ARHGAP25: variants seen among roughly 807,000 people sequenced by gnomAD.
ARHGAP25 encodes the protein Rho GTPase activating protein 25, also known as rho GTPase-activating protein 25.
ARHGAP25 carries 34 observed loss-of-function variants against 71.0 expected under a neutral mutation model. That is an observed-to-expected ratio of 0.48 (90% CI 0.36 to 0.64). ARHGAP25 has a LOEUF of 0.64. Ranked by LOEUF, ARHGAP25 falls within the 30% of genes least tolerant of loss-of-function variation. The pLI, the probability that ARHGAP25 is intolerant of heterozygous loss-of-function variation, is 0.00. For missense variants in ARHGAP25, 706 were observed against 805.1 expected, an observed-to-expected ratio of 0.88 and a Z score of 1.49; for synonymous variants, 282 against 296.5, an observed-to-expected ratio of 0.95 and a Z score of 0.50.
At chr2:68,793,720 C>A (rs1342986694) in intron 4 of ARHGAP25, among the ~76,000 whole-genome samples, 7 of 151,968 alleles carry the variant, frequency 4.6e-5, no homozygotes, top group Non-Finnish European at 7.4e-5. Flanking sequence ...ATGCCTCCAG[C>A]CTTGTTCTTT....
intron 1 of ARHGAP25, 151 bp from the exon 2 acceptor site, chr2:68,775,070 T>C: frequency 6.5e-7 from 1 of 1,534,458 alleles, no homozygotes; most frequent in Non-Finnish European, 8.7e-7. Context: ...GGGGGGGACT[T>C]TCTCTGGCTC....
At position 68,766,129 on chromosome 2, in the gene ARHGAP25, A is replaced by C. The variant is rs1248698908; in HGVS notation, c.62-9092A>C. ...AACCAAAACCTCTTACCTAAAATAA[A>C]TGACTAGCTTTGGCAATGGAGGGGT... On this transcript the variant is annotated intron_variant, in intron 1 of 10. Transcript: ENST00000409202. Among the ~76,000 whole-genome samples, 7 of 152,244 alleles carry C rather than the reference A, an allele frequency of 4.6e-5. No individual in the cohort carries two copies. The East Asian group carries it at 1.3e-3, about 29-fold the overall frequency.
chr2:68,764,945 G>A (rs2104351108), intron 1 of ARHGAP25, among the ~76,000 whole-genome samples: 1 of 151,940 alleles, frequency 6.6e-6, no homozygotes, highest in South Asian at 2.1e-4. Context: ...TGTTATTATT[G>A]AGCTAGTCCC....
chr2:68,822,943 C>A, intron 10 of ARHGAP25, 71 bp downstream of exon 10: 1 of 1,450,478 alleles, frequency 6.9e-7, no homozygotes, highest in Non-Finnish European at 9.2e-7. Context: ...TTGTTCCCAT[C>A]CGCCAGAGAA....
At chr2:68,789,460 G>A (rs1679012900) in intron 4 of ARHGAP25, among the ~76,000 whole-genome samples, 1 of 152,206 alleles carries the variant, frequency 6.6e-6, no homozygotes, top group Non-Finnish European at 1.5e-5. Context: ...GCAACCAAGA[G>A]CAGGAACTGC....
At chr2:68,807,096 A>G (rs761100212) in intron 4 of ARHGAP25, 177 bp from the exon 5 acceptor site, 16 of 622,410 alleles carry the variant, frequency 2.6e-5, no homozygotes, top group Non-Finnish European at 4.3e-5. Flanking sequence ...AGACTGCCTC[A>G]AATTTACAGG....
intron 2 of ARHGAP25, chr2:68,710,771 G>A (rs4854443): frequency 0.24 from 35,745 of 152,050 alleles, 4,463 homozygotes; most frequent in East Asian, 0.37. Flanking sequence ...CAAATATTTG[G>A]TCCCTGACAT....
At chr2:68,810,739 T>C (rs140819651) in intron 5 of ARHGAP25, among the ~76,000 whole-genome samples, 4,933 of 148,036 alleles carry the variant, frequency 0.033, 174 homozygotes, top group South Asian at 0.055. Context: ...CTCTTTTTTT[T>C]TTTTTTTTTT....
chr2:68,741,615 A>C (rs1347924975), intron 1 of ARHGAP25, among the ~76,000 whole-genome samples: 1 of 152,212 alleles, frequency 6.6e-6, no homozygotes, highest in Non-Finnish European at 1.5e-5. Flanking sequence ...TATGTTGCCC[A>C]GGCTGGTCTC....
At chr2:68,751,602 CT>C (rs1172960811) in intron 1 of ARHGAP25, among the ~76,000 whole-genome samples, 1 of 152,232 alleles carries the variant, frequency 6.6e-6, no homozygotes, top group African/African-American at 2.4e-5. Context: ...TATTCAGTGT[CT>C]TTCCCTTTGT....
intron 3 of ARHGAP25, among the ~76,000 whole-genome samples, chr2:68,783,497 C>G (rs943592933): frequency 1.1e-4 from 16 of 150,114 alleles, no homozygotes; most frequent in Non-Finnish European, 3.0e-5. Flanking sequence ...CAGTCTTGCT[C>G]TGTTGCCCAA....
At chr2:68,740,752 G>A (rs1261441280) in intron 1 of ARHGAP25, among the ~76,000 whole-genome samples, 3 of 152,180 alleles carry the variant, frequency 2.0e-5, no homozygotes, top group African/African-American at 7.2e-5. Context: ...AACCCCACAA[G>A]TAACTGATCC....
At chr2:68,749,817 T>C (rs750799418) in intron 1 of ARHGAP25, among the ~76,000 whole-genome samples, 8 of 152,230 alleles carry the variant, frequency 5.3e-5, no homozygotes, top group Non-Finnish European at 1.2e-4. Flanking sequence ...CAGCAAAGTT[T>C]GTGATCTGTG....
chr2:68,764,482 G>A (rs72830904), intron 1 of ARHGAP25, among the ~76,000 whole-genome samples: 13,702 of 152,188 alleles, frequency 0.09, 714 homozygotes, highest in Non-Finnish European at 0.11. Context: ...TCTGTTGAAG[G>A]AAAGTTCATT....
intron 1 of ARHGAP25, among the ~76,000 whole-genome samples, chr2:68,769,834 A>G (rs1026961497): frequency 6.6e-6 from 1 of 152,176 alleles, no homozygotes; most frequent in Non-Finnish European, 1.5e-5. Context: ...CAGAGAGAAT[A>G]GCATACTGTC....
chr2:68,796,252 C>A (rs1053850901), intron 4 of ARHGAP25, among the ~76,000 whole-genome samples: 8 of 152,066 alleles, frequency 5.3e-5, no homozygotes, highest in African/African-American at 1.9e-4. Flanking sequence ...TTTCTTATTT[C>A]TTTGTATTGA....
chr2:68,738,551 G>T (rs982220949), intron 1 of ARHGAP25, among the ~76,000 whole-genome samples: 1 of 152,170 alleles, frequency 6.6e-6, no homozygotes, highest in African/African-American at 2.4e-5. Flanking sequence ...AATGTGGTCT[G>T]TTTGCTGTGC....
At position 68,775,281 on chromosome 2, in the gene ARHGAP25, C is replaced by G. The variant is rs778584212; in HGVS notation, c.122C>G (p.Pro41Arg). 3 of 1,614,248 alleles carry G rather than the reference C, an allele frequency of 1.9e-6. No individual in the cohort carries two copies. The highest frequency in any genetic ancestry group is 2.2e-5 in the South Asian group (2 of 91,086). The part of the protein sequence containing the change: ...QMAAFHPSST[P>R]NPLERPIKMG... ...GCTGCCTTCCATCCATCGTCCACCC[C>G]CAACCCGCTGGAGAGGCCCATCAAG... The change falls in exon 2 of 11, where the codon CCC becomes CGC. Residue 41 changes from proline to arginine, a missense_variant. Pro to Arg is a moderately radical substitution (Grantham distance 103). Coordinates refer to ENST00000409202, the MANE Select transcript of ARHGAP25 (RefSeq NM_001007231.3).
chr2:68,777,213 G>A (rs562129187), intron 2 of ARHGAP25, among the ~76,000 whole-genome samples: 57 of 152,160 alleles, frequency 3.7e-4, no homozygotes, highest in Non-Finnish European at 6.0e-4. Flanking sequence ...CGGCAGTAAC[G>A]CTTTGGCCAC....
Sources: allele counts gnomAD v4.1 joint callset (sites outside exome capture counted in the v4.1 genomes callset), GRCh38; gene constraint gnomAD v4.1.1; transcripts MANE v1.5; gene names NCBI Gene and HGNC (gene_info 2026-07-23, HGNC 2026-07-21).